NEBL: variants seen among roughly 807,000 people sequenced by gnomAD.
NEBL encodes the protein LIM and SH3 protein 2.
In NEBL, 122 loss-of-function variants were observed where a neutral mutation model predicts 140.2. The observed-to-expected ratio is 0.87, with a 90% confidence interval of 0.75 to 1.01. The LOEUF (loss-of-function observed/expected upper bound fraction) is 1.01, where lower values mean the gene tolerates loss of function less well. NEBL is among the 50% of genes least tolerant of loss of function. The probability of loss-of-function intolerance (pLI) is 0.00; values close to 1 mark genes in which losing one functional copy is unlikely to be tolerated. For missense variants in NEBL, 1,365 were observed against 1,231.3 expected (o/e 1.11, Z -1.62); for synonymous variants, 436 against 398.9 (o/e 1.09, Z -1.11).
At chr10:20,916,914 T>C (rs1176903867) in intron 4 of NEBL, among the ~76,000 whole-genome samples, 2 of 152,352 alleles carry the variant, frequency 1.3e-5, no homozygotes, top group East Asian at 3.9e-4. Context: ...AGAATATTTA[T>C]TGACTTTTTT....
intron 3 of NEBL, among the ~76,000 whole-genome samples, chr10:20,994,884 AG>A (rs201938639): frequency 0.033 from 4,746 of 141,992 alleles, 97 homozygotes; most frequent in African/African-American, 0.072. Context: ...GAGGAGGTAG[AG>A]GGGGGGGTTG....
intron 2 of NEBL, among the ~76,000 whole-genome samples, chr10:21,248,483 T>C (rs951488514): frequency 1.3e-5 from 2 of 152,234 alleles, no homozygotes; most frequent in Non-Finnish European, 2.9e-5. Context: ...ATCCATGTTG[T>C]ATCATGTGTC....
chr10:21,227,815 G>GTTCTTCTTCTTCT (rs759528047), intron 3 of NEBL, among the ~76,000 whole-genome samples: 2 of 124,872 alleles, frequency 1.6e-5, no homozygotes, highest in Admixed American at 7.8e-5. Context: ...TCTTCTTCTT[G>GTTCTTCTTCTTCT]TTCTTCTTCT....
chr10:21,026,286 C>T (rs1242824178), intron 2 of NEBL, among the ~76,000 whole-genome samples: 1 of 152,070 alleles, frequency 6.6e-6, no homozygotes, highest in African/African-American at 2.4e-5. Flanking sequence ...ACTGACATCT[C>T]GTGGTCAGGA....
intron 21 of NEBL, among the ~76,000 whole-genome samples, chr10:20,816,905 T>C (rs1838771067): frequency 1.3e-5 from 2 of 152,038 alleles, no homozygotes; most frequent in South Asian, 4.2e-4. Context: ...GGAGTCATGA[T>C]TGTGGGAAGT....
chr10:21,157,481 G>A (rs1221381600), intron 2 of NEBL, among the ~76,000 whole-genome samples: 1 of 152,138 alleles, frequency 6.6e-6, no homozygotes, highest in Admixed American at 6.6e-5. Flanking sequence ...TGAGGTGGGA[G>A]GATCACTTGA....
At chr10:20,916,842 A>C (rs543536215) in intron 4 of NEBL, among the ~76,000 whole-genome samples, 1 of 152,234 alleles carries the variant, frequency 6.6e-6, no homozygotes, top group African/African-American at 2.4e-5. Context: ...CATTATGAAT[A>C]TTTGAAAAAG....
intron 2 of NEBL, among the ~76,000 whole-genome samples, chr10:21,055,943 C>T (rs1252215168): frequency 6.6e-6 from 1 of 152,216 alleles, no homozygotes; most frequent in Non-Finnish European, 1.5e-5. Context: ...CCTGAGGCTA[C>T]ACGGGCAAAT....
At chr10:21,273,542 G>A (rs1842883508) in intron 1 of NEBL, among the ~76,000 whole-genome samples, 1 of 152,136 alleles carries the variant, frequency 6.6e-6, no homozygotes, top group Admixed American at 6.5e-5. Context: ...TTCCAGTTCA[G>A]TTGACACTGA....
intron 1 of NEBL, among the ~76,000 whole-genome samples, chr10:21,255,351 A>G (rs1296388606): frequency 1.3e-5 from 2 of 152,086 alleles, no homozygotes; most frequent in Non-Finnish European, 2.9e-5. Context: ...AGATAGGCTG[A>G]GAGATGCTGA....
At chr10:21,124,773 G>C (rs978108637) in intron 2 of NEBL, among the ~76,000 whole-genome samples, 2 of 152,170 alleles carry the variant, frequency 1.3e-5, no homozygotes, top group African/African-American at 4.8e-5. Context: ...CGGCAACATA[G>C]CAAGACCCCA....
At chr10:21,014,835 G>T (rs147554168) in intron 3 of NEBL, among the ~76,000 whole-genome samples, 2 of 152,130 alleles carry the variant, frequency 1.3e-5, no homozygotes, top group African/African-American at 4.8e-5. Context: ...CCTATAAAAA[G>T]AAATCACTTT....
At chr10:21,164,314 C>A (rs1453920357) in intron 2 of NEBL, among the ~76,000 whole-genome samples, 1 of 152,092 alleles carries the variant, frequency 6.6e-6, no homozygotes, top group East Asian at 1.9e-4. Flanking sequence ...AGTTCTAAGC[C>A]CTCGAGGACA....
chr10:20,900,881 T>C (rs1366068026), upstream of NEBL, among the ~76,000 whole-genome samples: 3 of 138,524 alleles, frequency 2.2e-5, no homozygotes, highest in African/African-American at 8.1e-5. Flanking sequence ...TAGCCGGGCA[T>C]GGTGGCACAC....
intron 3 of NEBL, among the ~76,000 whole-genome samples, chr10:21,011,004 G>A (rs1838317754): frequency 6.6e-6 from 1 of 152,140 alleles, no homozygotes; most frequent in Non-Finnish European, 1.5e-5. Context: ...TGAAATGGCA[G>A]GCCTGACAAT....
intron 3 of NEBL, among the ~76,000 whole-genome samples, chr10:21,204,882 C>T (rs1181841354): frequency 6.6e-6 from 1 of 152,208 alleles, no homozygotes; most frequent in Non-Finnish European, 1.5e-5. Context: ...GAAACCATGA[C>T]ATTTAGCATT....
At chr10:20,902,119 G>T (rs1405046264), upstream of NEBL, among the ~76,000 whole-genome samples, 1 of 151,966 alleles carries the variant, frequency 6.6e-6, no homozygotes, top group Non-Finnish European at 1.5e-5. Flanking sequence ...GATTTAATAA[G>T]GTGGCCGGGC....
intron 9 of NEBL, among the ~76,000 whole-genome samples, chr10:20,853,878 AAG>A (rs760830975): frequency 7.9e-5 from 12 of 152,336 alleles, no homozygotes; most frequent in South Asian, 2.1e-4. Flanking sequence ...TAAAATAACT[AAG>A]AGTGGAATTG....
intron 22 of NEBL, among the ~76,000 whole-genome samples, chr10:20,814,875 A>C (rs1838567198): frequency 6.6e-6 from 1 of 152,224 alleles, no homozygotes; most frequent in Non-Finnish European, 1.5e-5. Context: ...TTAAATACAC[A>C]CAGCATCTCT....
Sources: allele counts gnomAD v4.1 joint callset (sites outside exome capture counted in the v4.1 genomes callset), GRCh38; gene constraint gnomAD v4.1.1; transcripts MANE v1.5; gene names NCBI Gene and HGNC (gene_info 2026-07-23, HGNC 2026-07-21).